The following SUGP1 variants were observed in gnomAD, a reference collection of about 807,000 sequenced individuals.
The protein encoded by SUGP1 is SURP and G-patch domain containing 1, also known as SURP and G-patch domain-containing protein 1.
SUGP1 carries 34 observed loss-of-function variants against 76.5 expected under a neutral mutation model. That is an observed-to-expected ratio of 0.44 (90% CI 0.34 to 0.59). The LOEUF is 0.59. SUGP1 is among the 20% of genes least tolerant of loss of function. The pLI is 0.01. For synonymous variants in SUGP1, 326 were observed against 326.2 expected (o/e 1.00, Z 0.01); for missense variants, 752 against 851.7 (o/e 0.88, Z 1.46).
At chr19:19,307,276 C>T (rs1309011757) in intron 3 of SUGP1, among the ~76,000 whole-genome samples, 1 of 151,618 alleles carries the variant, frequency 6.6e-6, no homozygotes, top group African/African-American at 2.4e-5. Flanking sequence ...GCTGGTCTCA[C>T]ACTCTTAGAT....
intron 8 of SUGP1, 182 bp from the exon 9 acceptor site, chr19:19,280,473 G>A (rs904873124): frequency 2.2e-5 from 13 of 598,066 alleles, no homozygotes; most frequent in Non-Finnish European, 3.3e-5. Context: ...GTGCTGCCAC[G>A]TGCACCCCCG....
chr19:19,279,119 T>C, intron 10 of SUGP1, 94 bp downstream of exon 10: 1 of 1,367,726 alleles, frequency 7.3e-7, no homozygotes, highest in Non-Finnish European at 9.7e-7. Flanking sequence ...GGATGGCAGC[T>C]CAAGACCACG....
chr19:19,280,667 C>T, intron 8 of SUGP1: 1 of 216,380 alleles, frequency 4.6e-6, no homozygotes, highest in Admixed American at 5.1e-5. Context: ...TGCATGGGCG[C>T]ACGCACAAAC....
intron 8 of SUGP1, among the ~76,000 whole-genome samples, chr19:19,285,914 G>C (rs1431526708): frequency 6.6e-6 from 1 of 152,162 alleles, no homozygotes; most frequent in Non-Finnish European, 1.5e-5. Context: ...TGCAAATGCA[G>C]TTGGGTTTAT....
intron 2 of SUGP1, among the ~76,000 whole-genome samples, chr19:19,311,684 G>A (rs192626298): frequency 6.4e-5 from 9 of 139,748 alleles, no homozygotes; most frequent in African/African-American, 1.9e-4. Context: ...CCAAGATTGC[G>A]CCACTGCACT....
At chr19:19,316,632 CT>C in intron 1 of SUGP1, 39 bp from the exon 2 acceptor site, 1 of 1,608,018 alleles carries the variant, frequency 6.2e-7, no homozygotes, top group Non-Finnish European at 8.5e-7. Flanking sequence ...ATCACCCTTA[CT>C]CCACAAACAC....
At position 19,276,936 on chromosome 19, in the gene SUGP1, G is replaced by A. The variant is rs373118759; in HGVS notation, c.1911+11C>T. ...CGACTGAGCAAAGGCAGCCCAGGAG[G>A]ACATGCGTACCAGGGGGTTGGGCCG... On this transcript the variant is annotated intron_variant, in intron 13 of 13. Transcript: ENST00000247001. The A allele has an allele frequency of 2.4e-5, 38 of 1,612,662 alleles. No homozygotes were observed. Among genetic ancestry groups the A allele is most frequent in the Non-Finnish European group, 3.2e-5 (38 of 1,179,954 alleles).
intron 1 of SUGP1, among the ~76,000 whole-genome samples, chr19:19,319,170 C>T (rs1467167413): frequency 1.3e-5 from 2 of 152,102 alleles, no homozygotes; most frequent in East Asian, 1.9e-4. Context: ...TGCAGTCAGC[C>T]GACATCGTGC....
At chr19:19,313,844 A>G (rs10408216) in intron 2 of SUGP1, among the ~76,000 whole-genome samples, 5,084 of 152,170 alleles carry the variant, frequency 0.033, 306 homozygotes, top group African/African-American at 0.12. Context: ...CTCAACTAAA[A>G]TACAAAAAAA....
chr19:19,279,604 GA>G (rs1428615361), intron 9 of SUGP1, among the ~76,000 whole-genome samples: 1 of 152,112 alleles, frequency 6.6e-6, no homozygotes, highest in Non-Finnish European at 1.5e-5. Context: ...CTTGGCCACT[GA>G]ATGAGGGTGA....
chr19:19,309,064 A>G (rs1027197766), intron 3 of SUGP1, among the ~76,000 whole-genome samples: 8 of 151,900 alleles, frequency 5.3e-5, no homozygotes, highest in Non-Finnish European at 1.0e-4. Context: ...ACAGGGTTTC[A>G]CCATGTTGGT....
intron 8 of SUGP1, among the ~76,000 whole-genome samples, chr19:19,287,547 C>T (rs1411659342): frequency 6.6e-6 from 1 of 151,898 alleles, no homozygotes; most frequent in African/African-American, 2.4e-5. Flanking sequence ...GGGCAACACA[C>T]AAACACTCCA....
chr19:19,319,488 G>C (rs192034406), intron 1 of SUGP1, among the ~76,000 whole-genome samples: 4 of 151,840 alleles, frequency 2.6e-5, no homozygotes, highest in Admixed American at 2.6e-4. Context: ...CGTAACCCCA[G>C]CACTTTAAGA....
At chr19:19,299,227 C>T (rs1169703310) in intron 7 of SUGP1, among the ~76,000 whole-genome samples, 1 of 152,250 alleles carries the variant, frequency 6.6e-6, no homozygotes, top group East Asian at 1.9e-4. Flanking sequence ...AGCATGTTCA[C>T]TGACTGGCCT....
intron 2 of SUGP1, among the ~76,000 whole-genome samples, chr19:19,313,025 A>T (rs148377682): frequency 0.024 from 3,582 of 151,878 alleles, 129 homozygotes; most frequent in African/African-American, 0.08. Flanking sequence ...AATAAATAAA[A>T]AAAAACAAAA....
chr19:19,290,746 G>A (rs2146601793), intron 8 of SUGP1, among the ~76,000 whole-genome samples: 1 of 152,288 alleles, frequency 6.6e-6, no homozygotes, highest in Admixed American at 6.5e-5. Flanking sequence ...AGGGTTTGAA[G>A]AGAAGTTTAT....
chr19:19,303,466 T>A lies in SUGP1; in HGVS notation c.663-18A>T, dbSNP rs376933215. 6.2e-7 allele frequency: 1 copy of A among 1,603,216 alleles called. No homozygotes were observed. The highest frequency in any genetic ancestry group is 8.5e-7 in the Non-Finnish European group (1 of 1,170,270). ...GCAAAAATCTGGAGAGGAGGAAGTTTGCAGAAGAGAGGGGAAAATAAGTAT... is the reference window on the plus strand; with the variant it reads ...GCAAAAATCTGGAGAGGAGGAAGTTAGCAGAAGAGAGGGGAAAATAAGTAT... On this transcript the variant is annotated intron_variant, in intron 5 of 13. Transcript: ENST00000247001.
chr19:19,309,395 G>C (rs1042727625), intron 3 of SUGP1, among the ~76,000 whole-genome samples: 2 of 152,148 alleles, frequency 1.3e-5, no homozygotes, highest in African/African-American at 2.4e-5. Context: ...GAGGTGGAAG[G>C]TTTGCTTGAG....
At chr19:19,292,267 C>T (rs1278040322) in intron 8 of SUGP1, among the ~76,000 whole-genome samples, 16 of 137,646 alleles carry the variant, frequency 1.2e-4, no homozygotes, top group East Asian at 1.1e-3. Context: ...AGTGAGACTC[C>T]GTCTCAAAAA....
Sources: gnomAD v4.1 joint callset for allele counts (sites outside exome capture counted in the v4.1 genomes callset) on GRCh38, gnomAD v4.1.1 for gene constraint, MANE v1.5 for transcripts, NCBI Gene and HGNC (gene_info 2026-07-23, HGNC 2026-07-21) for gene names.